SH3KBP1: variants seen among roughly 807,000 people sequenced by gnomAD.
SH3KBP1 encodes SH3 domain-containing kinase-binding protein 1.
In SH3KBP1, 8 loss-of-function variants were observed where a neutral mutation model predicts 50.1. The ratio of observed to expected loss-of-function variants is 0.16; its 90% CI spans 0.09 to 0.29. The LOEUF is 0.29. Among genes scored for constraint, SH3KBP1 ranks in the 10% least tolerant of loss-of-function variants. The pLI, the probability that SH3KBP1 is intolerant of heterozygous loss-of-function variation, is 1.00. For synonymous variants in SH3KBP1, 227 were observed against 218.6 expected (o/e 1.04, Z -0.34); for missense variants, 377 against 535.2 (o/e 0.70, Z 2.92).
At chrX:19,742,909 A>G (rs2064812856) in intron 3 of SH3KBP1, among the ~76,000 whole-genome samples, 1 of 111,865 alleles carries the variant, frequency 8.9e-6, no homozygotes, top group Non-Finnish European at 1.9e-5. Flanking sequence ...TTAAATGAAA[A>G]ACGACTTCTT....
intron 4 of SH3KBP1, among the ~76,000 whole-genome samples, chrX:19,704,832 T>C (rs925491148): frequency 4.4e-5 from 5 of 112,575 alleles, no homozygotes; most frequent in African/African-American, 1.6e-4. Flanking sequence ...AACGTTCTAC[T>C]TGGAAAATAC....
Position 19,692,354 on chromosome X carries a change from C to T in SH3KBP1, c.520+3258G>A, listed in dbSNP as rs999825783. The stretch of plus-strand genomic sequence containing the variant: ...CACCTGTCATTCAAAAATAAAAATG[C>T]CTCCTTATAGTAAAAGGGGATTCAA... On this transcript the variant is annotated intron_variant, in intron 5 of 17. Transcript: ENST00000397821. Among the ~76,000 whole-genome samples, 62 of 110,523 alleles carry T rather than the reference C, an allele frequency of 5.6e-4. No individual in the cohort carries two copies. The Middle Eastern group carries it at 0.014, about 25-fold the overall frequency.
intron 9 of SH3KBP1, among the ~76,000 whole-genome samples, chrX:19,600,689 C>CA (rs1304050340): frequency 2.7e-5 from 3 of 111,514 alleles, no homozygotes; most frequent in African/African-American, 9.8e-5. Context: ...CCTATAGGTG[C>CA]ACACCCAAAA....
chrX:19,745,175 G>A (rs1189194947), intron 3 of SH3KBP1, among the ~76,000 whole-genome samples: 1 of 112,641 alleles, frequency 8.9e-6, no homozygotes, highest in Non-Finnish European at 1.9e-5. Context: ...TACAGCAAAG[G>A]GCACTTAATT....
intron 13 of SH3KBP1, among the ~76,000 whole-genome samples, chrX:19,567,414 G>A (rs2065872711): frequency 1.0e-5 from 1 of 98,526 alleles, no homozygotes; most frequent in African/African-American, 3.8e-5. Flanking sequence ...AGCTACTCAG[G>A]ACGCTGGGGT....
intron 5 of SH3KBP1, among the ~76,000 whole-genome samples, chrX:19,686,631 G>A (rs1264514674): frequency 1.8e-5 from 2 of 110,918 alleles, no homozygotes; most frequent in East Asian, 2.8e-4. Flanking sequence ...AGGCACAGGC[G>A]GCACCCTGCA....
chrX:19,660,531 G>C (rs1178292295), intron 6 of SH3KBP1, among the ~76,000 whole-genome samples: 5 of 111,573 alleles, frequency 4.5e-5, no homozygotes, highest in African/African-American at 1.6e-4. Context: ...TCATTGCTGA[G>C]GAGGAAAAAG....
rs779228127 is a variant in SH3KBP1, at chrX:19,597,092, G to A, written c.1006-2092C>T. On this transcript the variant is annotated intron_variant, in intron 9 of 17. Coordinates refer to ENST00000397821, the MANE Select transcript of SH3KBP1 (RefSeq NM_031892.3). ...ATCCATCAGAGGAATCACTATCTAC[G>A]GCAGCTATAGACTTATAAAATGTAT... is the stretch of plus-strand genomic sequence containing the variant. 1.6e-3 allele frequency among the ~76,000 whole-genome samples: 178 copies of A among 111,635 alleles called. 1 individual carries two copies. Among genetic ancestry groups the A allele is most frequent in the Middle Eastern group, 4.6e-3 (1 of 217 alleles).
rs957064102 is a variant in SH3KBP1 at position 19,640,002 on chromosome X, G to A, written c.802+5398C>T. ...TAGCAATCTGCCCAGCCATTCTTGAGGCTGGGGCAACAGACACAGATAAGG... is the reference window on the plus strand; with the variant it reads ...TAGCAATCTGCCCAGCCATTCTTGAAGCTGGGGCAACAGACACAGATAAGG... On this transcript the variant is annotated intron_variant, in intron 7 of 17. Transcript: ENST00000397821. Among the ~76,000 whole-genome samples, 4 of 106,646 alleles carry A rather than the reference G, an allele frequency of 3.8e-5. No individual in the cohort carries two copies. The Admixed American group carries it at 4.0e-4, about 11-fold the overall frequency. The allele number at this position is 106,646 out of a possible 115,157, so 92.6% of individuals were successfully genotyped here. A position where few individuals can be genotyped will look rare whatever the true frequency, so the allele number is the denominator to read the frequency against.
At chrX:19,694,067 G>A (rs1225227160) in intron 5 of SH3KBP1, among the ~76,000 whole-genome samples, 1 of 112,308 alleles carries the variant, frequency 8.9e-6, no homozygotes, top group East Asian at 2.8e-4. Context: ...GACTAACAGT[G>A]AGAGCTACCA....
chrX:19,591,076 T>G (rs781640372), intron 11 of SH3KBP1, among the ~76,000 whole-genome samples: 46 of 109,509 alleles, frequency 4.2e-4, no homozygotes, highest in Non-Finnish European at 7.4e-4. Flanking sequence ...CAAGTCAAGT[T>G]CTAACTGCTC....
intron 12 of SH3KBP1, among the ~76,000 whole-genome samples, chrX:19,574,419 G>T (rs2066134126): frequency 8.9e-6 from 1 of 112,596 alleles, no homozygotes; most frequent in Middle Eastern, 4.2e-3. Flanking sequence ...GAAATAACCT[G>T]TGGATAAGTT....
chrX:19,860,122 G>A (rs760015306), intron 1 of SH3KBP1, among the ~76,000 whole-genome samples: 9 of 109,510 alleles, frequency 8.2e-5, no homozygotes, highest in Admixed American at 7.9e-4. Context: ...AAAAGGAACA[G>A]GCCAGGCACA....
At chrX:19,607,738 A>G (rs959638663) in intron 9 of SH3KBP1, among the ~76,000 whole-genome samples, 200 bp downstream of exon 9, 9 of 112,177 alleles carry the variant, frequency 8.0e-5, no homozygotes, top group Non-Finnish European at 1.7e-4. Flanking sequence ...ACAACCGCAG[A>G]GTAGAGATCA....
intron 7 of SH3KBP1, among the ~76,000 whole-genome samples, chrX:19,632,697 A>G (rs1238738935): frequency 8.9e-6 from 1 of 112,926 alleles, no homozygotes; most frequent in Non-Finnish European, 1.9e-5. Context: ...TATGTCCTGA[A>G]TTACATGCTT....
Position 19,539,940 on chromosome X carries a change from T to C in SH3KBP1, c.1892+1985A>G, listed in dbSNP as rs2064833996. Reference sequence around the variant, plus strand: ...CAGGCTTCACAGTGGGGGAGAAACATGGTGTGGCAGCCCGGAAGCACAGGG... The same window carrying C: ...CAGGCTTCACAGTGGGGGAGAAACACGGTGTGGCAGCCCGGAAGCACAGGG... On this transcript the variant is annotated intron_variant, in intron 16 of 17. Coordinates refer to ENST00000397821, the MANE Select transcript of SH3KBP1 (RefSeq NM_031892.3). 2.7e-5 allele frequency among the ~76,000 whole-genome samples: 3 copies of C among 111,312 alleles called. No homozygotes were observed. The South Asian group carries it at 1.2e-3, about 43-fold the overall frequency.
At position 19,592,108 on chromosome X, in the gene SH3KBP1, G is replaced by A; in HGVS notation, c.1097C>T (p.Pro366Leu). The change falls in exon 11 of 18, where the codon CCT becomes CTT. Residue 366 changes from proline to leucine, a missense_variant. Physicochemically the swap from Pro to Leu is moderately conservative, Grantham distance 98 (BLOSUM62 -3). Transcript: ENST00000397821. ...GTTTGGAAGCATTTCTGGTCTTTCA[G>A]GAGGTATCTTTTTAATTTCATGTTT... ...ERKHEIKKIP[P>L]ERPEMLPNRT... 1 of 1,207,269 alleles carries A rather than the reference G, an allele frequency of 8.3e-7. No homozygotes were observed. Among genetic ancestry groups the A allele is most frequent in the Non-Finnish European group, 1.1e-6 (1 of 892,700 alleles).
intron 2 of SH3KBP1, among the ~76,000 whole-genome samples, chrX:19,775,043 C>T (rs57105541): frequency 0.024 from 2,682 of 111,186 alleles, 87 homozygotes; most frequent in African/African-American, 0.083. Flanking sequence ...AAGGATTTGT[C>T]ACCAGTCCAC....
At chrX:19,621,752 T>C (rs747501886) in intron 8 of SH3KBP1, among the ~76,000 whole-genome samples, 7 of 111,876 alleles carry the variant, frequency 6.3e-5, no homozygotes, top group African/African-American at 1.9e-4. Context: ...AGTTGAGTAA[T>C]TGTGACACAG....
Sources: gnomAD v4.1 joint callset for allele counts (sites outside exome capture counted in the v4.1 genomes callset) on GRCh38, gnomAD v4.1.1 for gene constraint, MANE v1.5 for transcripts, NCBI Gene and HGNC (gene_info 2026-07-23, HGNC 2026-07-21) for gene names.